Variants in MAML2 observed in about 807,000 individuals in gnomAD.
MAML2 encodes the protein mastermind like transcriptional coactivator 2.
Under a neutral mutation model 96.1 loss-of-function variants are expected in MAML2, and 22 were observed. That is an observed-to-expected ratio of 0.23 (90% CI 0.16 to 0.33). The LOEUF is 0.33. Among genes scored for constraint, MAML2 ranks in the 10% least tolerant of loss-of-function variants. MAML2 has a pLI of 1.00. For synonymous variants in MAML2, 561 were observed against 521.3 expected, an observed-to-expected ratio of 1.08 and a Z score of -1.04; for missense variants, 1,367 against 1,392.4, an observed-to-expected ratio of 0.98 and a Z score of 0.29.
intron 1 of MAML2, among the ~76,000 whole-genome samples, chr11:96,257,588 A>T (rs1862686009): frequency 6.6e-6 from 1 of 152,218 alleles, no homozygotes; most frequent in Non-Finnish European, 1.5e-5. Context: ...AGTCTTCATT[A>T]TAGAGAAAAA....
chr11:96,265,133 G>A (rs968830254), intron 1 of MAML2, among the ~76,000 whole-genome samples: 4 of 152,200 alleles, frequency 2.6e-5, no homozygotes, highest in African/African-American at 7.2e-5. Context: ...GGTAGAGACA[G>A]CTAGAGGACA....
intron 2 of MAML2, among the ~76,000 whole-genome samples, chr11:96,090,383 A>G (rs1315939433): frequency 2.0e-5 from 3 of 152,114 alleles, no homozygotes; most frequent in Non-Finnish European, 4.4e-5. Context: ...GAATTACCTC[A>G]TTTTATTTTC....
At chr11:96,308,596 A>C (rs370947888) in intron 1 of MAML2, among the ~76,000 whole-genome samples, 7 of 152,352 alleles carry the variant, frequency 4.6e-5, no homozygotes, top group African/African-American at 1.7e-4. Context: ...ATTAAGCTAA[A>C]TAAACAAATG....
At chr11:95,988,143 GTA>G (rs1170607485) in intron 3 of MAML2, among the ~76,000 whole-genome samples, 10 of 151,478 alleles carry the variant, frequency 6.6e-5, no homozygotes, top group Non-Finnish European at 1.2e-4. Context: ...GTGTGTGTGT[GTA>G]TGTGTGAGAG....
At chr11:96,051,756 G>A (rs747499749) in intron 2 of MAML2, among the ~76,000 whole-genome samples, 2 of 152,218 alleles carry the variant, frequency 1.3e-5, no homozygotes, top group African/African-American at 2.4e-5. Flanking sequence ...GAGGCATCAG[G>A]AGAACCAGGG....
chr11:96,154,116 C>CT (rs1309400669), intron 1 of MAML2, among the ~76,000 whole-genome samples: 1 of 152,120 alleles, frequency 6.6e-6, no homozygotes, highest in African/African-American at 2.4e-5. Context: ...AGGAGGACTA[C>CT]TTTAACAAAG....
At chr11:96,016,748 G>C (rs931912613) in intron 2 of MAML2, among the ~76,000 whole-genome samples, 1 of 152,046 alleles carries the variant, frequency 6.6e-6, no homozygotes, top group African/African-American at 2.4e-5. Context: ...CATTAAAAAA[G>C]GGTCCATATA....
intron 1 of MAML2, among the ~76,000 whole-genome samples, chr11:96,163,198 T>A (rs1214657371): frequency 6.6e-6 from 1 of 152,050 alleles, no homozygotes; most frequent in Non-Finnish European, 1.5e-5. Flanking sequence ...AGTATACACT[T>A]CCCTCCCTTC....
intron 1 of MAML2, among the ~76,000 whole-genome samples, chr11:96,305,257 TATG>T (rs950421648): frequency 3.3e-5 from 5 of 152,222 alleles, no homozygotes; most frequent in Non-Finnish European, 7.3e-5. Flanking sequence ...TAAAATACTC[TATG>T]ATAATATAAT....
chr11:96,096,076 T>C (rs984399629), intron 1 of MAML2, among the ~76,000 whole-genome samples: 1 of 152,230 alleles, frequency 6.6e-6, no homozygotes, highest in Admixed American at 6.5e-5. Flanking sequence ...TATTTCAGCA[T>C]AAATTGCATT....
chr11:96,172,477 T>C (rs956234679), intron 1 of MAML2, among the ~76,000 whole-genome samples: 13 of 152,240 alleles, frequency 8.5e-5, no homozygotes, highest in Non-Finnish European at 5.9e-5. Flanking sequence ...GAACAGCTTC[T>C]TTTCTCAAAT....
intron 1 of MAML2, among the ~76,000 whole-genome samples, chr11:96,154,679 A>G (rs970285931): frequency 6.6e-6 from 1 of 152,180 alleles, no homozygotes; most frequent in Non-Finnish European, 1.5e-5. Context: ...CACTGTGAAT[A>G]AAAAGATGGA....
chr11:96,001,541 T>C (rs746717120), intron 2 of MAML2, among the ~76,000 whole-genome samples: 7 of 152,096 alleles, frequency 4.6e-5, no homozygotes, highest in Non-Finnish European at 7.4e-5. Flanking sequence ...CCCAAACACA[T>C]ATACAACTAA....
chr11:96,330,853 T>A (rs1863844305), intron 1 of MAML2, among the ~76,000 whole-genome samples: 1 of 152,150 alleles, frequency 6.6e-6, no homozygotes, highest in African/African-American at 2.4e-5. Flanking sequence ...TATTGGATAA[T>A]GCAAGTCACG....
At chr11:96,251,732 C>A (rs956270537) in intron 1 of MAML2, among the ~76,000 whole-genome samples, 3 of 132,844 alleles carry the variant, frequency 2.3e-5, no homozygotes, top group Non-Finnish European at 3.2e-5. Context: ...AAATACAAAC[C>A]CTTTTTTTTT....
At chr11:96,025,028 C>T (rs1448151919) in intron 2 of MAML2, among the ~76,000 whole-genome samples, 1 of 152,132 alleles carries the variant, frequency 6.6e-6, no homozygotes, top group Non-Finnish European at 1.5e-5. Context: ...TACCGTTCAA[C>T]CCAGAAATCC....
intron 1 of MAML2, among the ~76,000 whole-genome samples, chr11:96,217,127 A>G (rs531608912): frequency 1.3e-5 from 2 of 152,204 alleles, no homozygotes; most frequent in African/African-American, 4.8e-5. Flanking sequence ...TGCTCATTAC[A>G]TGTTACACTG....
chr11:96,186,034 C>T (rs1861570601), intron 1 of MAML2, among the ~76,000 whole-genome samples: 2 of 152,172 alleles, frequency 1.3e-5, no homozygotes, highest in Admixed American at 1.3e-4. Flanking sequence ...GATTTATTTA[C>T]ACCTTACAGT....
chr11:96,342,808 C>A lies in MAML2; in HGVS notation c.-913G>T, dbSNP rs1318689785. 3.8e-5 allele frequency: 12 copies of A among 313,902 alleles called. No individual in the cohort carries two copies. The highest frequency in any genetic ancestry group is 1.2e-5 in the Non-Finnish European group (2 of 172,740). 19.4% of individuals were successfully genotyped at this position (313,902 alleles called of 1,614,324 possible). ...ATCCTTCAACACATTTTTTTCTTTCCCGCTTACGTTTCTATTCCTCACCCC... is the reference window on the plus strand; with the variant it reads ...ATCCTTCAACACATTTTTTTCTTTCACGCTTACGTTTCTATTCCTCACCCC... On this transcript the variant is annotated 5_prime_UTR_variant, in exon 1 of 5. Coordinates refer to ENST00000524717, the MANE Select transcript of MAML2 (RefSeq NM_032427.4).
Sources: allele counts gnomAD v4.1 joint callset (sites outside exome capture counted in the v4.1 genomes callset), GRCh38; gene constraint gnomAD v4.1.1; transcripts MANE v1.5; gene names NCBI Gene and HGNC (gene_info 2026-07-23, HGNC 2026-07-21).